The following NXPE2 variants were observed in gnomAD, a reference collection of about 807,000 sequenced individuals.
The protein encoded by NXPE2 is NXPE family member 2.
In NXPE2, 34 loss-of-function variants were observed where a neutral mutation model predicts 34.4. The observed-to-expected ratio is 0.99, with a 90% confidence interval of 0.75 to 1.31. The LOEUF is 1.31. Ranked by LOEUF, NXPE2 falls within the 40% of genes most tolerant of loss-of-function variation. The pLI is 0.00. For missense variants in NXPE2, 649 were observed against 672.5 expected (o/e 0.97, Z 0.39); for synonymous variants, 235 against 231.3 (o/e 1.02, Z -0.15).
At chr11:114,583,014 G>A in the NXPE2 span, 1 of 1,605,522 alleles carries the variant, frequency 6.2e-7, no homozygotes, top group Admixed American at 1.7e-5. Flanking sequence ...GTTTAGAGCA[G>A]ACCAAACCTG....
At chr11:114,515,412 G>T in the NXPE2 span, among the ~76,000 whole-genome samples, 9 of 152,132 alleles carry the variant, frequency 5.9e-5, no homozygotes, top group East Asian at 1.7e-3. Flanking sequence ...AACTATCCAA[G>T]AAACAAATTA....
chr11:114,749,927 C>T, the NXPE2 span, among the ~76,000 whole-genome samples: 2 of 152,154 alleles, frequency 1.3e-5, no homozygotes, highest in Non-Finnish European at 2.9e-5. Context: ...CCTCTGATAC[C>T]CATGCCTGGC....
the NXPE2 span, among the ~76,000 whole-genome samples, chr11:114,505,426 A>G: frequency 6.6e-6 from 1 of 152,148 alleles, no homozygotes; most frequent in Non-Finnish European, 1.5e-5. Flanking sequence ...TATGATCATC[A>G]GATTCTCCAA....
chr11:114,810,801 C>G, the NXPE2 span, among the ~76,000 whole-genome samples: 2 of 152,188 alleles, frequency 1.3e-5, no homozygotes, highest in South Asian at 2.1e-4. Context: ...GGATCTAGAA[C>G]TAGAAATACC....
the NXPE2 span, among the ~76,000 whole-genome samples, chr11:114,663,192 A>G: frequency 6.6e-6 from 1 of 152,128 alleles, no homozygotes; most frequent in African/African-American, 2.4e-5. Context: ...GACAGCAGCC[A>G]CAGGTTGAAG....
the NXPE2 span, among the ~76,000 whole-genome samples, chr11:114,466,117 A>G: frequency 6.6e-6 from 1 of 152,168 alleles, no homozygotes; most frequent in Non-Finnish European, 1.5e-5. Context: ...TAGACTCAGA[A>G]GATGTAGTCT....
the NXPE2 span, among the ~76,000 whole-genome samples, chr11:114,746,761 G>A: frequency 6.6e-6 from 1 of 151,938 alleles, no homozygotes; most frequent in African/African-American, 2.4e-5. Context: ...TGAGGCAGGA[G>A]AATCGCTTGA....
At chr11:114,688,042 G>A (rs1472248566) in intron 2 of NXPE2, among the ~76,000 whole-genome samples, 1 of 152,012 alleles carries the variant, frequency 6.6e-6, no homozygotes, top group East Asian at 1.9e-4. Context: ...AATGAAGAGA[G>A]ATAATTTGAC....
At chr11:114,708,926 T>A (rs1859556202), downstream of NXPE2, among the ~76,000 whole-genome samples, 1 of 152,234 alleles carries the variant, frequency 6.6e-6, no homozygotes, top group South Asian at 2.1e-4. Context: ...TACCTTCTCT[T>A]CACATGCACT....
chr11:114,517,445 TCTTC>T, the NXPE2 span, among the ~76,000 whole-genome samples: 1 of 152,242 alleles, frequency 6.6e-6, no homozygotes, highest in Non-Finnish European at 1.5e-5. Flanking sequence ...TTATTTTGAT[TCTTC>T]CTTCTCTCAG....
chr11:114,511,679 T>C, the NXPE2 span, among the ~76,000 whole-genome samples: 1 of 152,224 alleles, frequency 6.6e-6, no homozygotes, highest in African/African-American at 2.4e-5. Context: ...ATCCCCAATG[T>C]TGGAGGTGGG....
chr11:114,635,040 T>C, the NXPE2 span, among the ~76,000 whole-genome samples: 3 of 152,030 alleles, frequency 2.0e-5, no homozygotes, highest in Non-Finnish European at 2.9e-5. Context: ...ATTGAGTCTA[T>C]AAATTACCTT....
chr11:114,506,629 G>A, the NXPE2 span, among the ~76,000 whole-genome samples: 1 of 152,162 alleles, frequency 6.6e-6, no homozygotes, highest in African/African-American at 2.4e-5. Flanking sequence ...CTACTGAATG[G>A]CTTTTGGGTA....
the NXPE2 span, among the ~76,000 whole-genome samples, chr11:114,615,563 G>A: frequency 1.2e-4 from 18 of 151,812 alleles, no homozygotes; most frequent in Non-Finnish European, 1.8e-4. Context: ...GTTGCTTCGT[G>A]GGTAACCACC....
chr11:114,659,655 T>A, the NXPE2 span, among the ~76,000 whole-genome samples: 1 of 152,018 alleles, frequency 6.6e-6, no homozygotes, highest in African/African-American at 2.4e-5. Flanking sequence ...TATCAAAATA[T>A]GGGGATGCAG....
At chr11:114,755,736 ATCTC>A in the NXPE2 span, among the ~76,000 whole-genome samples, 2,875 of 146,760 alleles carry the variant, frequency 0.02, 62 homozygotes, top group African/African-American at 0.057. Flanking sequence ...CTCTTCACCC[ATCTC>A]TCTCTCTCTC....
the NXPE2 span, among the ~76,000 whole-genome samples, chr11:114,626,950 G>A: frequency 2.0e-5 from 3 of 151,998 alleles, no homozygotes; most frequent in East Asian, 5.8e-4. Context: ...GAAATGAAGT[G>A]AGAAGGGAAG....
At chr11:114,698,880 T>C (rs1486300457) in intron 3 of NXPE2, 102 bp downstream of exon 3, 1 of 1,140,156 alleles carries the variant, frequency 8.8e-7, no homozygotes, top group African/African-American at 1.6e-5. Flanking sequence ...GTCAATTATG[T>C]TGACTAAATT....
the NXPE2 span, among the ~76,000 whole-genome samples, chr11:114,791,320 C>G: frequency 2.6e-5 from 4 of 152,142 alleles, no homozygotes; most frequent in African/African-American, 9.7e-5. Flanking sequence ...TGTATATGCC[C>G]AAACTATTCT....
Sources: gnomAD v4.1 joint callset for allele counts (sites outside exome capture counted in the v4.1 genomes callset) on GRCh38, gnomAD v4.1.1 for gene constraint, MANE v1.5 for transcripts, NCBI Gene and HGNC (gene_info 2026-07-23, HGNC 2026-07-21) for gene names.